The following MAGI2 variants were observed in gnomAD, a reference collection of about 807,000 sequenced individuals.
MAGI2 encodes the protein membrane-associated guanylate kinase, WW and PDZ domain-containing protein 2.
In MAGI2, 35 loss-of-function variants were observed where a neutral mutation model predicts 133.3. That is an observed-to-expected ratio of 0.26 (90% CI 0.20 to 0.35). The LOEUF is 0.35. MAGI2 is among the 10% of genes least tolerant of loss of function. The pLI is 1.00. For synonymous variants in MAGI2, 729 were observed against 710.6 expected, an observed-to-expected ratio of 1.03 and a Z score of -0.41; for missense variants, 1,636 against 1,863.4, an observed-to-expected ratio of 0.88 and a Z score of 2.25.
At chr7:78,389,582 AT>A (rs767368030) in intron 6 of MAGI2, among the ~76,000 whole-genome samples, 2 of 152,178 alleles carry the variant, frequency 1.3e-5, no homozygotes, top group African/African-American at 4.8e-5. Flanking sequence ...CTAGACAGAT[AT>A]TTGGGTAGCA....
chr7:78,302,065 A>C (rs1797878840), intron 9 of MAGI2, among the ~76,000 whole-genome samples: 1 of 152,232 alleles, frequency 6.6e-6, no homozygotes, highest in Non-Finnish European at 1.5e-5. Context: ...CTAGACTGTA[A>C]ACCCCATCAG....
chr7:79,266,459 A>G (rs1834466681), intron 1 of MAGI2, among the ~76,000 whole-genome samples: 1 of 152,090 alleles, frequency 6.6e-6, no homozygotes, highest in Admixed American at 6.6e-5. Flanking sequence ...CTGATTACTG[A>G]GCAGTTAAAT....
At chr7:79,288,119 C>T (rs773861717) in intron 1 of MAGI2, among the ~76,000 whole-genome samples, 9 of 152,096 alleles carry the variant, frequency 5.9e-5, no homozygotes, top group Non-Finnish European at 1.2e-4. Context: ...TTCTAACTTG[C>T]TATGCTCACC....
rs780242449 is a variant in MAGI2 at position 78,256,036 on chromosome 7, G to T, written c.1954C>A (p.Gln652Lys). The change falls in exon 10 of 22, where the codon CAG (glutamine) becomes AAG (lysine). Residue 652 changes from glutamine (Q) to lysine (K), a missense_variant. This residue lies in a region of MAGI2 where 920 missense variants were observed against 1,093.5 expected (regional missense o/e 0.84). Coordinates refer to ENST00000354212, the MANE Select transcript of MAGI2 (RefSeq NM_012301.4). ...GTATGGCTCAGGTTCTGTACATTCTGCTGGTTGATCTCAACAATGAGGTCG... is the reference window on the plus strand; with the variant it reads ...GTATGGCTCAGGTTCTGTACATTCTTCTGGTTGATCTCAACAATGAGGTCG... ...EGDLIVEINQ[Q>K]NVQNLSHTEV... The T allele has an allele frequency of 2.5e-6, 4 of 1,613,478 alleles. No homozygotes were observed. In the Admixed American group the frequency reaches 5.0e-5, roughly 20 times the overall value.
intron 2 of MAGI2, among the ~76,000 whole-genome samples, chr7:78,755,701 T>A (rs776639540): frequency 2.0e-5 from 3 of 152,214 alleles, no homozygotes; most frequent in Non-Finnish European, 4.4e-5. Flanking sequence ...TAACTCCTGA[T>A]TCTGCCAAAA....
intron 2 of MAGI2, among the ~76,000 whole-genome samples, chr7:78,719,217 T>TGAC (rs1472124330): frequency 6.6e-6 from 1 of 152,216 alleles, no homozygotes; most frequent in Non-Finnish European, 1.5e-5. Context: ...CTCAAGGATC[T>TGAC]GACACATGCT....
chr7:78,528,758 A>G (rs1169889232), intron 3 of MAGI2, among the ~76,000 whole-genome samples: 1 of 152,184 alleles, frequency 6.6e-6, no homozygotes, highest in East Asian at 1.9e-4. Flanking sequence ...ATATGTAGTT[A>G]GCAGCTTGAA....
At chr7:78,760,113 C>G (rs544097305) in intron 2 of MAGI2, among the ~76,000 whole-genome samples, 10 of 114,994 alleles carry the variant, frequency 8.7e-5, no homozygotes, top group South Asian at 2.4e-4. Flanking sequence ...GAGACTCCGT[C>G]TCAAAAAAAA....
chr7:78,159,310 A>C (rs1480611013), intron 16 of MAGI2, among the ~76,000 whole-genome samples: 1 of 152,178 alleles, frequency 6.6e-6, no homozygotes, highest in Non-Finnish European at 1.5e-5. Context: ...CCTTCTGACT[A>C]TATCTCATGC....
At chr7:78,255,459 T>C (rs1792869721) in intron 10 of MAGI2, 1 of 243,442 alleles carries the variant, frequency 4.1e-6, no homozygotes. Flanking sequence ...GCTCTCACAG[T>C]TCATGGTCCT....
intron 2 of MAGI2, among the ~76,000 whole-genome samples, chr7:78,847,314 T>C (rs1041661460): frequency 3.3e-5 from 5 of 151,974 alleles, no homozygotes; most frequent in African/African-American, 7.2e-5. Flanking sequence ...AGACAGCTTA[T>C]AAATGCACAT....
At chr7:79,385,308 A>G (rs1844099161) in intron 1 of MAGI2, among the ~76,000 whole-genome samples, 1 of 151,920 alleles carries the variant, frequency 6.6e-6, no homozygotes, top group Non-Finnish European at 1.5e-5. Context: ...TAACAACATT[A>G]GTAAATTTGG....
intron 2 of MAGI2, among the ~76,000 whole-genome samples, chr7:78,846,681 A>C (rs987421293): frequency 2.0e-5 from 3 of 151,938 alleles, no homozygotes; most frequent in African/African-American, 7.2e-5. Flanking sequence ...TGCCATGTGG[A>C]ACTGACGATA....
chr7:79,169,526 G>T (rs974706519), intron 1 of MAGI2, among the ~76,000 whole-genome samples: 6 of 152,070 alleles, frequency 3.9e-5, no homozygotes, highest in Admixed American at 6.6e-5. Context: ...CACTGGCAGC[G>T]CAAAACCTTG....
intron 1 of MAGI2, among the ~76,000 whole-genome samples, chr7:79,440,910 A>C (rs895706219): frequency 6.6e-6 from 1 of 152,258 alleles, no homozygotes; most frequent in Non-Finnish European, 1.5e-5. Flanking sequence ...CGATCACAAC[A>C]TGACTACTGT....
chr7:78,585,003 T>C (rs970827835), intron 3 of MAGI2, among the ~76,000 whole-genome samples: 1 of 152,202 alleles, frequency 6.6e-6, no homozygotes, highest in Non-Finnish European at 1.5e-5. Context: ...GATTTAAAGA[T>C]GTTTGAAAAA....
chr7:78,600,843 G>A (rs1805123119), intron 3 of MAGI2, among the ~76,000 whole-genome samples: 2 of 152,168 alleles, frequency 1.3e-5, no homozygotes, highest in East Asian at 3.9e-4. Flanking sequence ...TCAACAAATA[G>A]TAGTATAAAA....
intron 7 of MAGI2, among the ~76,000 whole-genome samples, chr7:78,349,219 T>C (rs1208797951): frequency 6.6e-6 from 1 of 152,236 alleles, no homozygotes; most frequent in Non-Finnish European, 1.5e-5. Context: ...GTATTGAGCA[T>C]CTAATACAGT....
At chr7:78,879,885 C>T (rs114201883) in intron 2 of MAGI2, among the ~76,000 whole-genome samples, 27 of 152,054 alleles carry the variant, frequency 1.8e-4, no homozygotes, top group Admixed American at 2.0e-4. Flanking sequence ...AATCAATCAG[C>T]GCTTCTGGAA....
Sources: gnomAD v4.1 joint callset for allele counts (sites outside exome capture counted in the v4.1 genomes callset) on GRCh38, gnomAD v4.1.1 for gene constraint, gnomAD v4.1.1 regional missense constraint, MANE v1.5 for transcripts, NCBI Gene and HGNC (gene_info 2026-07-23, HGNC 2026-07-21) for gene names.